The following MAP7D3 variants were observed in gnomAD, a reference collection of about 807,000 sequenced individuals.
MAP7D3 encodes MAP7 domain-containing protein 3.
MAP7D3 carries 45 observed loss-of-function variants against 62.2 expected under a neutral mutation model. That is an observed-to-expected ratio of 0.72 (90% CI 0.57 to 0.93). The LOEUF (loss-of-function observed/expected upper bound fraction) is 0.93, where lower values mean the gene tolerates loss of function less well. Ranked by LOEUF, MAP7D3 falls within the 40% of genes least tolerant of loss-of-function variation. The pLI is 0.00. For synonymous variants in MAP7D3, 288 were observed against 248.8 expected (o/e 1.16, Z -1.48); for missense variants, 711 against 683.1 (o/e 1.04, Z -0.45).
At chrX:136,240,920 T>G (rs1490131392) in intron 5 of MAP7D3, among the ~76,000 whole-genome samples, 1 of 112,572 alleles carries the variant, frequency 8.9e-6, no homozygotes, top group Non-Finnish European at 1.9e-5. Context: ...TATTCAGCAT[T>G]TTTCTGCTGA....
intron 15 of MAP7D3, among the ~76,000 whole-genome samples, chrX:136,222,154 G>T (rs1180830214): frequency 1.8e-5 from 2 of 112,360 alleles, no homozygotes; most frequent in South Asian, 3.7e-4. Flanking sequence ...AAAATAATAA[G>T]CAGCAGCAGC....
rs759042602 is a variant in MAP7D3, at chrX:136,250,826, G to C, written c.70+463C>G. Among the ~76,000 whole-genome samples, 11 of 111,722 alleles carry C rather than the reference G, an allele frequency of 9.8e-5. No homozygotes were observed. The East Asian group carries it at 3.2e-3, about 32-fold the overall frequency. On this transcript the variant is annotated intron_variant, in intron 1 of 18. Transcript: ENST00000316077. ...GGAAAGGCTGCCTGGCGGCGGAGGC[G>C]GCGCCGGCGCGCGGAGTCCCTGCGG...
chrX:136,240,909 T>C, intron 5 of MAP7D3, among the ~76,000 whole-genome samples: 1 of 112,898 alleles, frequency 8.9e-6, no homozygotes, highest in South Asian at 3.6e-4. Context: ...AGCTTAGTCA[T>C]TATTCAGCAT....
chrX:136,251,656 C>A (rs1232454244), upstream of MAP7D3: 1 of 499,499 alleles, frequency 2.0e-6, no homozygotes, highest in African/African-American at 2.6e-5. Flanking sequence ...CCAGCTTGGC[C>A]CCCCCAACAT....
At chrX:136,240,135 C>T (rs1212968454) in intron 6 of MAP7D3, among the ~76,000 whole-genome samples, 4 of 105,601 alleles carry the variant, frequency 3.8e-5, no homozygotes, top group Non-Finnish European at 5.8e-5. Flanking sequence ...CTTGAGCCCA[C>T]GAGGCAGAGG....
Position 136,222,436 on chromosome X carries a change from G to A in MAP7D3, c.2244C>T (p.Asn748=), listed in dbSNP as rs763745863. The change falls in exon 15 of 19, where the codon AAC becomes AAT. Residue 748 remains asparagine, a synonymous_variant. Transcript: ENST00000316077. The stretch of plus-strand genomic sequence containing the variant: ...TCAATGAGTCCTTGTCGCTTTCTTC[G>A]TTGTCAGCCTCAGCCTCTTCATATA... ...HDIYEEAEAD[N]EESDKDSLNE... 18 of 1,207,840 alleles carry A rather than the reference G, an allele frequency of 1.5e-5. No individual in the cohort carries two copies. Among genetic ancestry groups the A allele is most frequent in the Admixed American group, 8.8e-5 (4 of 45,682 alleles).
At position 136,226,033 on chromosome X, in the gene MAP7D3, A is replaced by G. The variant is rs550319690; in HGVS notation, c.2035-20T>C. 200 of 1,058,268 alleles carry G rather than the reference A, an allele frequency of 1.9e-4. 1 individual carries two copies. In the South Asian group the frequency reaches 3.4e-3, roughly 18 times the overall value. The allele number at this position is 1,058,268 out of a possible 1,213,427, so 87.2% of individuals were successfully genotyped here. On this transcript the variant is annotated intron_variant, in intron 12 of 18. Coordinates refer to ENST00000316077, the MANE Select transcript of MAP7D3 (RefSeq NM_024597.4). Reference sequence around the variant, plus strand: ...CCCTTTCTAGGAAATTTGCATAAAAATATCATTCAATCTCAAGATACCTGA... The same window carrying G: ...CCCTTTCTAGGAAATTTGCATAAAAGTATCATTCAATCTCAAGATACCTGA...
intron 16 of MAP7D3, among the ~76,000 whole-genome samples, chrX:136,220,065 G>C (rs928308840): frequency 3.6e-5 from 4 of 112,374 alleles, no homozygotes; most frequent in South Asian, 3.7e-4. Flanking sequence ...CCTTGCAGGT[G>C]AATGTCTTCT....
At position 136,231,704 on chromosome X, in the gene MAP7D3, G is replaced by A. The variant is rs1291669323; in HGVS notation, c.1253C>T (p.Pro418Leu). 3 of 1,207,279 alleles carry A rather than the reference G, an allele frequency of 2.5e-6. No individual in the cohort carries two copies. The highest frequency in any genetic ancestry group is 3.4e-6 in the Non-Finnish European group (3 of 893,781). The change falls in exon 8 of 19, where the codon CCC becomes CTC. Residue 418 changes from proline to leucine, a missense_variant. Transcript: ENST00000316077. ...AAPEGSLEAP[P>L]KGSAEVAPKE... ...GGGGGCTACTTCTGCGCTCCCCTTG[G>A]GAGGTGCTTCCAGGCTCCCCTCTGG...
chrX:136,249,394 C>T (rs1432063846), intron 1 of MAP7D3, among the ~76,000 whole-genome samples: 2 of 112,539 alleles, frequency 1.8e-5, no homozygotes, highest in Admixed American at 9.4e-5. Context: ...TTCTTATGCT[C>T]ATCTGGTTGA....
chrX:136,227,692 T>C (rs1280254216), intron 11 of MAP7D3, among the ~76,000 whole-genome samples: 1 of 110,521 alleles, frequency 9.0e-6, no homozygotes. Flanking sequence ...CACACATACG[T>C]GAGAGGAACT....
intron 10 of MAP7D3, 49 bp downstream of exon 10, chrX:136,230,336 G>GT (rs1483354420): frequency 2.7e-6 from 2 of 748,479 alleles, no homozygotes; most frequent in Non-Finnish European, 4.1e-6. Context: ...CCAGAATACA[G>GT]TAAGATTTTC....
At position 136,219,438 on chromosome X, in the gene MAP7D3, T is replaced by C; in HGVS notation, c.2623A>G (p.Arg875Gly). The C allele has an allele frequency of 3.3e-6, 4 of 1,202,317 alleles. No homozygotes were observed. Among genetic ancestry groups the C allele is most frequent in the Non-Finnish European group, 4.5e-6 (4 of 887,335 alleles). The stretch of plus-strand genomic sequence containing the variant: ...CAGGTTTGCTTCTTCTCTTATTGTC[T>C]AAAGGTGTCTGAGGACTTTGGCAAG... ...DILPKSSDTF[R>G]Q Residue 875 changes from arginine to glycine, a missense_variant, in exon 18 of 19, where the codon AGA (arginine) becomes GGA (glycine). Arg to Gly is a moderately radical substitution (Grantham distance 125). Coordinates refer to ENST00000316077, the MANE Select transcript of MAP7D3 (RefSeq NM_024597.4).
chrX:136,216,422 AAAG>A (rs1226872186), downstream of MAP7D3, among the ~76,000 whole-genome samples: 1 of 105,990 alleles, frequency 9.4e-6, no homozygotes, highest in Non-Finnish European at 1.9e-5. Context: ...AAGAAAGAAG[AAAG>A]AAGAAAGAAG....
At chrX:136,229,586 G>A (rs1382855498) in intron 10 of MAP7D3, among the ~76,000 whole-genome samples, 1 of 109,997 alleles carries the variant, frequency 9.1e-6, no homozygotes, top group Non-Finnish European at 1.9e-5. Context: ...ATATAAAAAC[G>A]AACCTAAATC....
chrX:136,219,297 A>G lies in MAP7D3; in HGVS notation c.*32+101T>C, dbSNP rs898128684. On this transcript the variant is annotated intron_variant, in intron 18 of 18. Coordinates refer to ENST00000316077, the MANE Select transcript of MAP7D3 (RefSeq NM_024597.4). ...CAACTGTCTTCTCCTTCTCTTCCAA[A>G]GCTATATGGTGCAAAGACTGCCCTG... 8.6e-6 allele frequency: 4 copies of G among 466,650 alleles called. No homozygotes were observed. In the African/African-American group the frequency reaches 9.7e-5, roughly 11 times the overall value. The allele number at this position is 466,650 out of a possible 1,213,427, so 38.5% of individuals were successfully genotyped here. A position where few individuals can be genotyped will look rare whatever the true frequency, so the allele number is the denominator to read the frequency against.
intron 10 of MAP7D3, among the ~76,000 whole-genome samples, chrX:136,229,904 C>T (rs1248028866): frequency 9.8e-6 from 1 of 101,610 alleles, no homozygotes; most frequent in African/African-American, 3.6e-5. Flanking sequence ...ATCCTCAACC[C>T]CCTAACCGAA....
chrX:136,242,572 T>C (rs2074401962), intron 4 of MAP7D3, among the ~76,000 whole-genome samples: 1 of 111,619 alleles, frequency 9.0e-6, no homozygotes, highest in African/African-American at 3.3e-5. Context: ...TCTGGGGTTT[T>C]CTTTTGCCCC....
chrX:136,251,280 C>G lies in MAP7D3; in HGVS notation c.70+9G>C. On this transcript the variant is annotated intron_variant, in intron 1 of 18. Coordinates refer to ENST00000316077, the MANE Select transcript of MAP7D3 (RefSeq NM_024597.4). Reference sequence around the variant, plus strand: ...CCGAACCACCCCCGGGAGCCACCCGCCCGCTCACCCATCCGTGCCCGCAGC... The same window carrying G: ...CCGAACCACCCCCGGGAGCCACCCGGCCGCTCACCCATCCGTGCCCGCAGC... The G allele has an allele frequency of 8.8e-7, 1 of 1,130,199 alleles. No individual in the cohort carries two copies. The highest frequency in any genetic ancestry group is 1.2e-6 in the Non-Finnish European group (1 of 859,874). 93.1% of individuals were successfully genotyped at this position (1,130,199 alleles called of 1,213,427 possible). A position where few individuals can be genotyped will look rare whatever the true frequency, so the allele number is the denominator to read the frequency against.
Sources: allele counts gnomAD v4.1 joint callset (sites outside exome capture counted in the v4.1 genomes callset), GRCh38; gene constraint gnomAD v4.1.1; transcripts MANE v1.5; gene names NCBI Gene and HGNC (gene_info 2026-07-23, HGNC 2026-07-21).